The following ADARB2 variants were observed in gnomAD, a reference collection of about 807,000 sequenced individuals.
The protein encoded by ADARB2 is inactive double-stranded RNA-specific editase B2.
Under a neutral mutation model 62.2 loss-of-function variants are expected in ADARB2, and 25 were observed. The observed-to-expected ratio is 0.40, with a 90% confidence interval of 0.29 to 0.56. The LOEUF (loss-of-function observed/expected upper bound fraction) is 0.56, where lower values mean the gene tolerates loss of function less well. Among genes scored for constraint, ADARB2 ranks in the 20% least tolerant of loss-of-function variants. The probability of loss-of-function intolerance (pLI) is 0.43; values close to 1 mark genes in which losing one functional copy is unlikely to be tolerated. For synonymous variants in ADARB2, 572 were observed against 500.8 expected (o/e 1.14, Z -1.90); for missense variants, 1,071 against 1,077.4 (o/e 0.99, Z 0.08).
At chr10:1,688,366 CT>C (rs1834623526) in intron 1 of ADARB2, among the ~76,000 whole-genome samples, 1 of 152,218 alleles carries the variant, frequency 6.6e-6, no homozygotes, top group Non-Finnish European at 1.5e-5. Flanking sequence ...ACCTCCCCTG[CT>C]GTTCCCTGAC....
intron 3 of ADARB2, among the ~76,000 whole-genome samples, chr10:1,287,825 T>C (rs544128551): frequency 6.6e-6 from 1 of 152,268 alleles, no homozygotes; most frequent in South Asian, 2.1e-4. Flanking sequence ...TTTGGAGTTA[T>C]GCCGTCGGCT....
chr10:1,340,055 G>A (rs916376129), intron 3 of ADARB2, among the ~76,000 whole-genome samples: 4 of 152,052 alleles, frequency 2.6e-5, no homozygotes, highest in Non-Finnish European at 5.9e-5. Flanking sequence ...CGTGGGTCCG[G>A]AATTGAATCA....
chr10:1,227,522 G>A (rs1470179831), intron 6 of ADARB2, among the ~76,000 whole-genome samples: 1 of 152,224 alleles, frequency 6.6e-6, no homozygotes, highest in Non-Finnish European at 1.5e-5. Context: ...GTAGACCGGA[G>A]CTGTTCCTAT....
At chr10:1,619,534 C>T (rs1833683996) in intron 1 of ADARB2, among the ~76,000 whole-genome samples, 1 of 152,200 alleles carries the variant, frequency 6.6e-6, no homozygotes, top group Non-Finnish European at 1.5e-5. Context: ...TCACTGCAAC[C>T]TCCACCTCCC....
At chr10:1,378,037 C>G (rs2254233) in intron 2 of ADARB2, among the ~76,000 whole-genome samples, 9,019 of 152,222 alleles carry the variant, frequency 0.059, 950 homozygotes, top group African/African-American at 0.2. Flanking sequence ...CGTGTGCTGA[C>G]CTCTTCCTGG....
chr10:1,232,729 T>C (rs1439869368), intron 6 of ADARB2, among the ~76,000 whole-genome samples: 1 of 69,970 alleles, frequency 1.4e-5, no homozygotes, highest in African/African-American at 6.6e-5. Context: ...GTGTGTAGTG[T>C]ATGTGACATG....
chr10:1,718,401 C>A (rs998628187), intron 1 of ADARB2, among the ~76,000 whole-genome samples: 7 of 152,196 alleles, frequency 4.6e-5, no homozygotes, highest in Non-Finnish European at 7.4e-5. Flanking sequence ...TCTTGGGCAC[C>A]TGTGGCCCCA....
chr10:1,194,917 T>A (rs1836889008), intron 8 of ADARB2, among the ~76,000 whole-genome samples: 1 of 152,338 alleles, frequency 6.6e-6, no homozygotes, highest in South Asian at 2.1e-4. Context: ...TGTCTGCTTG[T>A]TTTTTGTGTG....
chr10:1,215,181 G>T (rs1044687804), intron 7 of ADARB2, among the ~76,000 whole-genome samples: 11 of 152,224 alleles, frequency 7.2e-5, no homozygotes, highest in Non-Finnish European at 1.5e-5. Context: ...CCAGCACTCG[G>T]GCTTAGGATG....
chr10:1,600,636 TG>T (rs1215433482), intron 1 of ADARB2, among the ~76,000 whole-genome samples: 1 of 112,512 alleles, frequency 8.9e-6, no homozygotes, highest in Non-Finnish European at 1.6e-5. Flanking sequence ...CACCCCAGCC[TG>T]GGCAACAGAG....
At chr10:1,464,221 T>G (rs11250539) in intron 1 of ADARB2, among the ~76,000 whole-genome samples, 846 of 74,256 alleles carry the variant, frequency 0.011, 4 homozygotes, top group Middle Eastern at 0.026. Flanking sequence ...ACACACGCGC[T>G]GGGGACAGTC....
At chr10:1,379,767 C>G (rs888554024) in intron 1 of ADARB2, among the ~76,000 whole-genome samples, 4 of 152,206 alleles carry the variant, frequency 2.6e-5, no homozygotes, top group Non-Finnish European at 5.9e-5. Context: ...ATTCCAGGGA[C>G]TGCCTCTGCC....
At chr10:1,337,921 C>A (rs193197187) in intron 3 of ADARB2, among the ~76,000 whole-genome samples, 1 of 152,222 alleles carries the variant, frequency 6.6e-6, no homozygotes, top group African/African-American at 2.4e-5. Context: ...TCACCTCGTG[C>A]ACACTATACA....
rs112172135 is a variant in ADARB2 at position 1,205,453 on chromosome 10, C to T, written c.1683-5306G>A. 4.8e-4 allele frequency among the ~76,000 whole-genome samples: 72 copies of T among 151,438 alleles called. 1 individual carries two copies. The highest frequency in any genetic ancestry group is 2.2e-3 in the Admixed American group (33 of 15,238). On this transcript the variant is annotated intron_variant, in intron 7 of 9. Transcript: ENST00000381312. ...GGCACAGCCTGAGGGAGACAACTCA[C>T]GGGAGCCCGTGGCACAGCCTGAGGG...
chr10:1,252,567 C>T (rs1831046194), intron 4 of ADARB2, among the ~76,000 whole-genome samples: 2 of 152,060 alleles, frequency 1.3e-5, no homozygotes, highest in Non-Finnish European at 2.9e-5. Flanking sequence ...TCTGAATACT[C>T]GCAGTGAATA....
chr10:1,395,499 C>A (rs1292340449), intron 1 of ADARB2, among the ~76,000 whole-genome samples: 1 of 152,218 alleles, frequency 6.6e-6, no homozygotes, highest in Admixed American at 6.5e-5. Flanking sequence ...CTCATACTTG[C>A]TGTTACTGCC....
intron 4 of ADARB2, among the ~76,000 whole-genome samples, chr10:1,260,387 G>A (rs1831124510): frequency 6.6e-6 from 1 of 151,824 alleles, no homozygotes; most frequent in Non-Finnish European, 1.5e-5. Context: ...CGACATGATT[G>A]TATATCTAGA....
chr10:1,187,325 C>T (rs2131734907), intron 8 of ADARB2, among the ~76,000 whole-genome samples: 1 of 152,324 alleles, frequency 6.6e-6, no homozygotes, highest in Middle Eastern at 3.4e-3. Context: ...GATCTGCGTG[C>T]ACTGGGCAGC....
intron 3 of ADARB2, among the ~76,000 whole-genome samples, chr10:1,320,047 C>T (rs1831781766): frequency 6.6e-6 from 1 of 152,202 alleles, no homozygotes; most frequent in African/African-American, 2.4e-5. Context: ...TAGACCAGGC[C>T]TCAGCTCACC....
Sources: allele counts gnomAD v4.1 joint callset (sites outside exome capture counted in the v4.1 genomes callset), GRCh38; gene constraint gnomAD v4.1.1; transcripts MANE v1.5; gene names NCBI Gene and HGNC (gene_info 2026-07-23, HGNC 2026-07-21).